PTPRM: variants seen among roughly 807,000 people sequenced by gnomAD.
PTPRM encodes protein tyrosine phosphatase receptor type M, also known as receptor-type tyrosine-protein phosphatase mu.
Under a neutral mutation model 186.7 loss-of-function variants are expected in PTPRM, and 47 were observed. The ratio of observed to expected loss-of-function variants is 0.25; its 90% confidence interval spans 0.20 to 0.32. PTPRM has a LOEUF of 0.32. PTPRM is among the 10% of genes least tolerant of loss of function. PTPRM has a pLI of 1.00. For missense variants in PTPRM, 1,494 were observed against 1,865.0 expected, an observed-to-expected ratio of 0.80 and a Z score of 3.66; for synonymous variants, 668 against 674.9, an observed-to-expected ratio of 0.99 and a Z score of 0.16.
intron 1 of PTPRM, among the ~76,000 whole-genome samples, chr18:7,715,663 A>C (rs1020572589): frequency 6.6e-6 from 1 of 152,264 alleles, no homozygotes; most frequent in African/African-American, 2.4e-5. Flanking sequence ...GCAAAGTCTC[A>C]GGATACAAAA....
rs761394463 is a variant in PTPRM at position 8,085,882 on chromosome 18, A to G, written c.1753+10A>G. ...ACCACCAAAATATCAGGTACTCTAC[A>G]TTCGTGAGTTGTGTCTTTTATCAGA... On this transcript the variant is annotated intron_variant, in intron 10 of 32. Transcript: ENST00000580170. 1.9e-6 allele frequency: 3 copies of G among 1,609,136 alleles called. No individual in the cohort carries two copies. In the Admixed American group the frequency reaches 5.0e-5, roughly 27 times the overall value.
chr18:8,006,451 T>C (rs558937361), intron 7 of PTPRM, among the ~76,000 whole-genome samples: 11 of 152,314 alleles, frequency 7.2e-5, no homozygotes, highest in South Asian at 2.1e-4. Context: ...GGCCTTCCTG[T>C]GTAATTTATC....
chr18:7,978,587 G>A (rs191483788), intron 7 of PTPRM, among the ~76,000 whole-genome samples: 1 of 152,244 alleles, frequency 6.6e-6, no homozygotes, highest in East Asian at 1.9e-4. Flanking sequence ...CTTACGAGGC[G>A]AATGTTGGTA....
chr18:7,952,060 T>C (rs1243096705), intron 6 of PTPRM, among the ~76,000 whole-genome samples: 1 of 152,230 alleles, frequency 6.6e-6, no homozygotes, highest in African/African-American at 2.4e-5. Context: ...AAATATTTCA[T>C]ATAATCTCCA....
intron 1 of PTPRM, among the ~76,000 whole-genome samples, chr18:7,690,901 A>C (rs894008480): frequency 1.3e-5 from 2 of 152,186 alleles, no homozygotes; most frequent in Non-Finnish European, 2.9e-5. Context: ...AAGATAAATT[A>C]AGTTATGATT....
intron 1 of PTPRM, among the ~76,000 whole-genome samples, chr18:7,757,687 G>C (rs564459261): frequency 1.3e-5 from 2 of 152,284 alleles, no homozygotes; most frequent in East Asian, 3.9e-4. Context: ...AATAACCCAG[G>C]AATAGAGAAG....
At chr18:7,902,047 G>A (rs2049719715) in intron 3 of PTPRM, among the ~76,000 whole-genome samples, 1 of 152,202 alleles carries the variant, frequency 6.6e-6, no homozygotes, top group South Asian at 2.1e-4. Flanking sequence ...TATTAATTTT[G>A]TATGTATGTA....
intron 1 of PTPRM, among the ~76,000 whole-genome samples, chr18:7,611,567 C>T (rs1026244828): frequency 4.6e-5 from 7 of 152,176 alleles, no homozygotes; most frequent in East Asian, 1.9e-4. Context: ...TAGGCCATAC[C>T]AGCCTAGGGG....
intron 13 of PTPRM, among the ~76,000 whole-genome samples, chr18:8,131,507 C>A (rs941285689): frequency 6.6e-6 from 1 of 152,176 alleles, no homozygotes; most frequent in African/African-American, 2.4e-5. Flanking sequence ...TCCCTGCCAC[C>A]CAGCACACTG....
intron 2 of PTPRM, among the ~76,000 whole-genome samples, chr18:7,829,605 G>A (rs1209347044): frequency 6.6e-6 from 1 of 152,132 alleles, no homozygotes; most frequent in Non-Finnish European, 1.5e-5. Context: ...AAGTCAAGGG[G>A]ACCTATAAAT....
chr18:8,069,586 G>C, intron 7 of PTPRM, 100 bp from the exon 8 acceptor site: 3 of 1,041,794 alleles, frequency 2.9e-6, no homozygotes, highest in Non-Finnish European at 4.1e-6. Context: ...GAGGAGACCA[G>C]GTGGTGGGGA....
chr18:7,660,258 C>A (rs2038948102), intron 1 of PTPRM, among the ~76,000 whole-genome samples: 1 of 152,020 alleles, frequency 6.6e-6, no homozygotes, highest in Non-Finnish European at 1.5e-5. Flanking sequence ...ATCGCTTGAA[C>A]CTTGGAGGCT....
chr18:8,216,362 T>G (rs1370223750), intron 14 of PTPRM, among the ~76,000 whole-genome samples: 2 of 152,190 alleles, frequency 1.3e-5, no homozygotes, highest in Non-Finnish European at 2.9e-5. Flanking sequence ...GGCATCCTAT[T>G]TTAATTAATC....
intron 5 of PTPRM, among the ~76,000 whole-genome samples, chr18:7,944,839 A>G (rs2052408682): frequency 6.6e-6 from 1 of 152,192 alleles, no homozygotes; most frequent in Non-Finnish European, 1.5e-5. Flanking sequence ...GGGCTTAAGC[A>G]GTGCTTCCTA....
intron 17 of PTPRM, among the ~76,000 whole-genome samples, chr18:8,249,713 A>G (rs926070053): frequency 1.3e-5 from 2 of 152,220 alleles, no homozygotes; most frequent in African/African-American, 4.8e-5. Context: ...TATTAAACAA[A>G]TATCATTCTT....
chr18:7,667,492 G>A (rs1179538123), intron 1 of PTPRM, among the ~76,000 whole-genome samples: 1 of 152,168 alleles, frequency 6.6e-6, no homozygotes, highest in Non-Finnish European at 1.5e-5. Flanking sequence ...TGAATTATAG[G>A]TTATTTGATA....
intron 2 of PTPRM, among the ~76,000 whole-genome samples, chr18:7,823,914 C>T (rs969999425): frequency 6.6e-6 from 1 of 152,110 alleles, no homozygotes; most frequent in African/African-American, 2.4e-5. Context: ...TAGTTCTGTC[C>T]CTCTAGAGAA....
chr18:8,364,137 G>A (rs1051591241), intron 23 of PTPRM, among the ~76,000 whole-genome samples: 1 of 152,132 alleles, frequency 6.6e-6, no homozygotes, highest in African/African-American at 2.4e-5. Context: ...CCCAAGGAAG[G>A]TCCCCCTTCC....
intron 14 of PTPRM, among the ~76,000 whole-genome samples, chr18:8,161,621 C>T (rs1369570681): frequency 6.6e-6 from 1 of 152,074 alleles, no homozygotes; most frequent in Admixed American, 6.5e-5. Context: ...ATCCAGTCAC[C>T]CGCATGTGAT....
Sources: gnomAD v4.1 joint callset for allele counts (sites outside exome capture counted in the v4.1 genomes callset) on GRCh38, gnomAD v4.1.1 for gene constraint, MANE v1.5 for transcripts, NCBI Gene and HGNC (gene_info 2026-07-23, HGNC 2026-07-21) for gene names.